Variants in PIP5K1B observed in about 807,000 individuals in gnomAD.
PIP5K1B encodes phosphatidylinositol 4-phosphate 5-kinase type-1 beta.
PIP5K1B carries 42 observed loss-of-function variants against 67.0 expected under a neutral mutation model. That is an observed-to-expected ratio of 0.63 (90% CI 0.49 to 0.81). The LOEUF (loss-of-function observed/expected upper bound fraction) is 0.81. Among genes scored for constraint, PIP5K1B ranks in the 30% least tolerant of loss-of-function variants. PIP5K1B has a pLI of 0.00. For synonymous variants in PIP5K1B, 214 were observed against 231.4 expected (o/e 0.92, Z 0.68); for missense variants, 459 against 646.3 (o/e 0.71, Z 3.14).
At chr9:68,845,511 C>T (rs535638801) in intron 4 of PIP5K1B, among the ~76,000 whole-genome samples, 2 of 151,896 alleles carry the variant, frequency 1.3e-5, no homozygotes, top group Non-Finnish European at 2.9e-5. Context: ...CCTCCGGGAA[C>T]AGGAGAAACA....
intron 4 of PIP5K1B, among the ~76,000 whole-genome samples, chr9:68,838,634 A>C (rs1314512106): frequency 6.6e-6 from 1 of 152,168 alleles, no homozygotes; most frequent in Non-Finnish European, 1.5e-5. Flanking sequence ...GGGTTGAAAA[A>C]ACTATTGAAT....
intron 15 of PIP5K1B, among the ~76,000 whole-genome samples, chr9:69,005,317 C>T (rs1000478461): frequency 2.6e-5 from 4 of 151,996 alleles, no homozygotes; most frequent in Admixed American, 6.6e-5. Flanking sequence ...AGATCGTTCC[C>T]GTTGCATAAG....
rs1249437387 is a variant in PIP5K1B, at chr9:68,953,815, A to G, written c.1502+13025A>G. ...AGCAAGACTCTGTCTTAAAAAAAAA[A>G]AAAAAAAAAAAAAAATCCCTGACTG... On this transcript the variant is annotated intron_variant, in intron 14 of 15. Coordinates refer to ENST00000265382, the MANE Select transcript of PIP5K1B (RefSeq NM_003558.4). Among the ~76,000 whole-genome samples, 13 of 103,260 alleles carry G rather than the reference A, an allele frequency of 1.3e-4. 1 individual carries two copies. 67.7% of individuals were successfully genotyped at this position (103,260 alleles called of 152,430 possible).
intron 2 of PIP5K1B, among the ~76,000 whole-genome samples, chr9:68,763,695 A>G (rs1440227236): frequency 6.6e-6 from 1 of 152,196 alleles, no homozygotes; most frequent in Admixed American, 6.5e-5. Flanking sequence ...GATGCATACT[A>G]CTTGAAATCA....
At chr9:68,860,154 A>G (rs1348979461) in intron 4 of PIP5K1B, among the ~76,000 whole-genome samples, 3 of 152,046 alleles carry the variant, frequency 2.0e-5, no homozygotes, top group Non-Finnish European at 4.4e-5. Context: ...TATTCCTCCT[A>G]TCTAACTGAA....
intron 11 of PIP5K1B, among the ~76,000 whole-genome samples, chr9:68,922,460 C>CAAAAAAAAAAGAAAA (rs141136674): frequency 1.6e-5 from 2 of 128,256 alleles, no homozygotes; most frequent in African/African-American, 5.7e-5. Context: ...GACTCTGTCT[C>CAAAAAAAAAAGAAAA]AAAAAAAAAG....
chr9:68,748,232 A>G lies in PIP5K1B; in HGVS notation c.-86+5575A>G, dbSNP rs988724283. Among the ~76,000 whole-genome samples the G allele has an allele frequency of 4.6e-5, 7 of 152,318 alleles. No individual in the cohort carries two copies. The East Asian group carries it at 9.6e-4, about 21-fold the overall frequency. The stretch of plus-strand genomic sequence containing the variant: ...TTGAGTCAGTGCTTCATTCCTTTTT[A>G]CAGCTGAATGCCCAATATTTTTAAT... On this transcript the variant is annotated intron_variant, in intron 2 of 15. Coordinates refer to ENST00000265382, the MANE Select transcript of PIP5K1B (RefSeq NM_003558.4).
In PIP5K1B at chr9:68,774,951, A is replaced by G. The variant is rs147529990; in HGVS notation, c.-86+32294A>G. ...TCAACTCTGCTAGAAATGTGGCAGC[A>G]GCTTCTTCATTGGCAGACAAAACCT... is the stretch of plus-strand genomic sequence containing the variant. On this transcript the variant is annotated intron_variant, in intron 2 of 15. Coordinates refer to ENST00000265382, the MANE Select transcript of PIP5K1B (RefSeq NM_003558.4). 2.0e-5 allele frequency among the ~76,000 whole-genome samples: 3 copies of G among 152,334 alleles called. No homozygotes were observed. The East Asian group carries it at 5.8e-4, about 29-fold the overall frequency.
At chr9:68,924,977 G>A (rs1204028719) in intron 12 of PIP5K1B, among the ~76,000 whole-genome samples, 1 of 152,002 alleles carries the variant, frequency 6.6e-6, no homozygotes, top group East Asian at 1.9e-4. Flanking sequence ...TAGCATAATG[G>A]TACACAATTT....
intron 5 of PIP5K1B, among the ~76,000 whole-genome samples, chr9:68,873,342 C>T (rs1301835708): frequency 7.5e-6 from 1 of 133,362 alleles, no homozygotes; most frequent in East Asian, 2.2e-4. Flanking sequence ...GGCTGGAGTG[C>T]AGTGGCGCGA....
intron 14 of PIP5K1B, among the ~76,000 whole-genome samples, chr9:68,945,205 G>A (rs758437296): frequency 5.4e-4 from 82 of 152,038 alleles, no homozygotes; most frequent in Non-Finnish European, 9.7e-4. Context: ...GAGTGCAGTG[G>A]TGCCATCTCA....
Position 68,779,378 on chromosome 9 carries a change from C to CTCTCCA in PIP5K1B, c.-86+36728_-86+36733dup, listed in dbSNP as rs1162728094. The stretch of plus-strand genomic sequence containing the variant: ...CTAAATAGTTCTCAGATTTACTTTT[C>CTCTCCA]TCTCCATCTCCACTGCCACACTGTC... On this transcript the variant is annotated intron_variant, in intron 2 of 15. Coordinates refer to ENST00000265382, the MANE Select transcript of PIP5K1B (RefSeq NM_003558.4). 3.9e-5 allele frequency among the ~76,000 whole-genome samples: 6 copies of CTCTCCA among 152,150 alleles called. No individual in the cohort carries two copies. The East Asian group carries it at 1.2e-3, about 29-fold the overall frequency.
At chr9:68,792,247 G>A (rs11143732) in intron 2 of PIP5K1B, among the ~76,000 whole-genome samples, 1 of 149,782 alleles carries the variant, frequency 6.7e-6, no homozygotes, top group African/African-American at 2.4e-5. Flanking sequence ...GGGACATAAT[G>A]CAGAGCACAT....
At chr9:68,788,597 G>A (rs1294802770) in intron 2 of PIP5K1B, 6 of 240,486 alleles carry the variant, frequency 2.5e-5, no homozygotes, top group Non-Finnish European at 4.0e-5. Context: ...GAAGACCCAT[G>A]GTCTTCCTTA....
intron 8 of PIP5K1B, among the ~76,000 whole-genome samples, chr9:68,901,189 T>C (rs538122396): frequency 6.6e-6 from 1 of 152,342 alleles, no homozygotes; most frequent in South Asian, 2.1e-4. Context: ...ATTTTGTTTT[T>C]AGACTTCAAT....
chr9:68,875,113 G>A (rs1587598615), intron 5 of PIP5K1B, among the ~76,000 whole-genome samples: 1 of 152,048 alleles, frequency 6.6e-6, no homozygotes, highest in East Asian at 1.9e-4. Flanking sequence ...ATGAGTGGAT[G>A]ATTTGGGGGT....
At position 68,818,565 on chromosome 9, in the gene PIP5K1B, A is replaced by AT. The variant is rs1222455847; in HGVS notation, c.-1+25dup. 1 of 152,626 alleles carries AT rather than the reference A, an allele frequency of 6.6e-6. No individual in the cohort carries two copies. Among genetic ancestry groups the AT allele is most frequent in the Admixed American group, 6.5e-5 (1 of 15,284 alleles). The allele number at this position is 152,626 out of a possible 1,614,324, so 9.5% of individuals were successfully genotyped here. On this transcript the variant is annotated intron_variant, in intron 3 of 15. Transcript: ENST00000265382. ...ACAAAGGTAAGGAAATAAAGTCTGT[A>AT]TTTTTAATTAATTCTGATCAAATCA... is the stretch of plus-strand genomic sequence containing the variant.
intron 15 of PIP5K1B, among the ~76,000 whole-genome samples, chr9:68,993,025 G>A (rs552103969): frequency 2.0e-5 from 3 of 152,000 alleles, no homozygotes; most frequent in South Asian, 4.2e-4. Flanking sequence ...AGCCGGGCGT[G>A]GTGGCAGGCG....
chr9:68,885,417 G>T (rs1824417230), intron 6 of PIP5K1B, among the ~76,000 whole-genome samples: 1 of 152,166 alleles, frequency 6.6e-6, no homozygotes, highest in Admixed American at 6.5e-5. Context: ...CACAGTTAAT[G>T]TATATCTTTC....
Sources: gnomAD v4.1 joint callset for allele counts (sites outside exome capture counted in the v4.1 genomes callset) on GRCh38, gnomAD v4.1.1 for gene constraint, MANE v1.5 for transcripts, NCBI Gene and HGNC (gene_info 2026-07-23, HGNC 2026-07-21) for gene names.